DLG2: variants seen among roughly 807,000 people sequenced by gnomAD.
The protein encoded by DLG2 is disks large homolog 2.
Under a neutral mutation model 132.5 loss-of-function variants are expected in DLG2, and 45 were observed. The observed-to-expected ratio is 0.34, with a 90% confidence interval of 0.27 to 0.44. The LOEUF (loss-of-function observed/expected upper bound fraction) is 0.44, where lower values mean the gene tolerates loss of function less well. Ranked by LOEUF, DLG2 falls within the 20% of genes least tolerant of loss-of-function variation. DLG2 has a pLI of 1.00. For synonymous variants in DLG2, 424 were observed against 419.6 expected (o/e 1.01, Z -0.13); for missense variants, 1,045 against 1,196.9 (o/e 0.87, Z 1.87).
chr11:85,410,391 C>T (rs2089203028), intron 3 of DLG2, among the ~76,000 whole-genome samples: 1 of 151,474 alleles, frequency 6.6e-6, no homozygotes, highest in Non-Finnish European at 1.5e-5. Flanking sequence ...CCAATAGTAG[C>T]CCATAAGCCA....
At chr11:84,049,593 T>C (rs1187538308) in intron 11 of DLG2, among the ~76,000 whole-genome samples, 3 of 151,826 alleles carry the variant, frequency 2.0e-5, no homozygotes, top group Non-Finnish European at 4.4e-5. Flanking sequence ...GGTCACAGAC[T>C]GGAGCTTGTA....
chr11:83,749,207 C>T (rs2093139321), intron 18 of DLG2, among the ~76,000 whole-genome samples: 1 of 152,196 alleles, frequency 6.6e-6, no homozygotes, highest in Admixed American at 6.5e-5. Context: ...GCCATAGAAT[C>T]AGGTCACAGT....
chr11:84,880,182 G>A (rs1330187708), intron 6 of DLG2, among the ~76,000 whole-genome samples: 1 of 152,038 alleles, frequency 6.6e-6, no homozygotes, highest in East Asian at 1.9e-4. Flanking sequence ...ATCACCATGA[G>A]GATGCACAAG....
At chr11:84,597,275 G>C (rs901794206) in intron 6 of DLG2, among the ~76,000 whole-genome samples, 1 of 152,102 alleles carries the variant, frequency 6.6e-6, no homozygotes, top group African/African-American at 2.4e-5. Context: ...TGGAGCTTTA[G>C]AGTCTAACTG....
chr11:84,941,654 C>A (rs557888831), intron 6 of DLG2, among the ~76,000 whole-genome samples: 218 of 150,330 alleles, frequency 1.5e-3, no homozygotes, highest in Non-Finnish European at 2.7e-3. Flanking sequence ...ATTTTTACAT[C>A]AATATTAATT....
At chr11:84,820,624 C>A (rs1029664882) in intron 6 of DLG2, among the ~76,000 whole-genome samples, 18 of 151,834 alleles carry the variant, frequency 1.2e-4, no homozygotes, top group African/African-American at 4.1e-4. Flanking sequence ...CACCCATATT[C>A]TTTTATGTCT....
At chr11:85,010,783 T>C (rs2059086307) in intron 6 of DLG2, among the ~76,000 whole-genome samples, 1 of 152,008 alleles carries the variant, frequency 6.6e-6, no homozygotes, top group Non-Finnish European at 1.5e-5. Flanking sequence ...AAAGTTGCAT[T>C]GAAAGAAAAA....
intron 15 of DLG2, among the ~76,000 whole-genome samples, chr11:83,875,072 T>C (rs2064420768): frequency 6.6e-6 from 1 of 152,120 alleles, no homozygotes; most frequent in Non-Finnish European, 1.5e-5. Context: ...GTAAATTATA[T>C]TTAGTTAGTA....
At chr11:84,498,447 C>T (rs2099191954) in intron 7 of DLG2, among the ~76,000 whole-genome samples, 1 of 152,106 alleles carries the variant, frequency 6.6e-6, no homozygotes, top group African/African-American at 2.4e-5. Context: ...CCACCCCCAC[C>T]ACCAACAACA....
chr11:85,047,166 T>C (rs1471965159), intron 6 of DLG2, among the ~76,000 whole-genome samples: 1 of 151,952 alleles, frequency 6.6e-6, no homozygotes, highest in Non-Finnish European at 1.5e-5. Context: ...TTATTCTTCT[T>C]ATAAACAGCC....
At chr11:83,827,745 C>G (rs564052369) in intron 17 of DLG2, among the ~76,000 whole-genome samples, 1 of 152,130 alleles carries the variant, frequency 6.6e-6, no homozygotes, top group African/African-American at 2.4e-5. Flanking sequence ...TTTTTCCTAA[C>G]AAATCACTGA....
intron 18 of DLG2, among the ~76,000 whole-genome samples, chr11:83,722,600 C>G (rs938973563): frequency 6.6e-5 from 10 of 152,160 alleles, no homozygotes; most frequent in Non-Finnish European, 1.2e-4. Flanking sequence ...AACTGGCTGC[C>G]AACTGCTCAG....
At chr11:84,026,899 C>A (rs1221070821) in intron 11 of DLG2, among the ~76,000 whole-genome samples, 1 of 152,014 alleles carries the variant, frequency 6.6e-6, no homozygotes, top group Non-Finnish European at 1.5e-5. Flanking sequence ...ACAACTTTGG[C>A]ATTAAGAAAA....
At chr11:85,368,305 C>T (rs1596569359) in intron 3 of DLG2, among the ~76,000 whole-genome samples, 2 of 152,186 alleles carry the variant, frequency 1.3e-5, no homozygotes, top group Non-Finnish European at 2.9e-5. Flanking sequence ...TCAGTTAATA[C>T]AGCTGCTTTA....
At chr11:83,528,766 A>G (rs1272612839) in intron 21 of DLG2, among the ~76,000 whole-genome samples, 1 of 152,134 alleles carries the variant, frequency 6.6e-6, no homozygotes, top group East Asian at 1.9e-4. Flanking sequence ...AAGACTGTTC[A>G]TTCCCTAAAT....
At chr11:84,074,983 C>T (rs1230954501) in intron 10 of DLG2, among the ~76,000 whole-genome samples, 1 of 152,146 alleles carries the variant, frequency 6.6e-6, no homozygotes, top group Non-Finnish European at 1.5e-5. Context: ...TCATCTTCTA[C>T]CACTGTCCCC....
At chr11:85,569,736 G>A (rs984342128) in intron 3 of DLG2, among the ~76,000 whole-genome samples, 6 of 152,164 alleles carry the variant, frequency 3.9e-5, no homozygotes, top group African/African-American at 1.4e-4. Flanking sequence ...TGGTGAACCT[G>A]CAGAGAAAAG....
chr11:84,243,108 T>G (rs1304375884), intron 8 of DLG2, among the ~76,000 whole-genome samples: 1 of 151,856 alleles, frequency 6.6e-6, no homozygotes, highest in Non-Finnish European at 1.5e-5. Flanking sequence ...TTATCTCTTC[T>G]ATTTCTTTCT....
rs1482777676 is a variant in DLG2 at position 85,437,282 on chromosome 11, G to T, written c.41-151917C>A. 2.0e-5 allele frequency among the ~76,000 whole-genome samples: 3 copies of T among 149,998 alleles called. No individual in the cohort carries two copies. In the Admixed American group the frequency reaches 2.0e-4, roughly 10 times the overall value. On this transcript the variant is annotated intron_variant, in intron 3 of 27. Coordinates refer to ENST00000376104, the MANE Select transcript of DLG2 (RefSeq NM_001142699.3). ...GTATACCTATGTGACAAACCTGCAT[G>T]TTCTGCTCATGTATCCTGGAACTTA...
Sources: gnomAD v4.1 joint callset for allele counts (sites outside exome capture counted in the v4.1 genomes callset) on GRCh38, gnomAD v4.1.1 for gene constraint, MANE v1.5 for transcripts, NCBI Gene and HGNC (gene_info 2026-07-23, HGNC 2026-07-21) for gene names.